The following PKHD1L1 variants were observed in gnomAD, a reference collection of about 807,000 sequenced individuals.
PKHD1L1 encodes PKHD1 like 1.
In PKHD1L1, 434 loss-of-function variants were observed where a neutral mutation model predicts 462.9. The observed-to-expected ratio is 0.94, with a 90% CI of 0.87 to 1.02. The LOEUF is 1.02. PKHD1L1 is among the 50% of genes least tolerant of loss of function. The probability of loss-of-function intolerance (pLI) is 0.00; values close to 1 mark genes in which losing one functional copy is unlikely to be tolerated. For missense variants in PKHD1L1, 5,202 were observed against 5,096.1 expected, an observed-to-expected ratio of 1.02 and a Z score of -0.63; for synonymous variants, 1,781 against 1,750.0, an observed-to-expected ratio of 1.02 and a Z score of -0.44.
In PKHD1L1 at chr8:109,475,039, T is replaced by C. The variant is rs144269440; in HGVS notation, c.8606-79T>C. On this transcript the variant is annotated intron_variant, in intron 50 of 77. Coordinates refer to ENST00000378402, the MANE Select transcript of PKHD1L1 (RefSeq NM_177531.6). ...GCTAAACCAACCAAACTAAACTAAC[T>C]TTTGCACTTGTTTACAAAAGGAGGA... is the stretch of plus-strand genomic sequence containing the variant. The C allele has an allele frequency of 1.6e-5, 22 of 1,366,098 alleles. No individual in the cohort carries two copies. The East Asian group carries it at 3.1e-4, about 19-fold the overall frequency. The allele number at this position is 1,366,098 out of a possible 1,614,324, so 84.6% of individuals were successfully genotyped here.
rs765557522 is a variant in PKHD1L1, at chr8:109,390,416, G to T, written c.698-36G>T. Reference sequence around the variant, plus strand: ...AGAGTTATTGTTCTTCTGTGACTGGGAATTTAATTGATTGTGTATTTTCAT... The same window carrying T: ...AGAGTTATTGTTCTTCTGTGACTGGTAATTTAATTGATTGTGTATTTTCAT... On this transcript the variant is annotated intron_variant, in intron 8 of 77. Transcript: ENST00000378402. 7.2e-6 allele frequency: 9 copies of T among 1,241,478 alleles called. No individual in the cohort carries two copies. The South Asian group carries it at 1.6e-4, about 22-fold the overall frequency. The allele number at this position is 1,241,478 out of a possible 1,614,324, so 76.9% of individuals were successfully genotyped here.
In PKHD1L1 at chr8:109,413,527, A is replaced by G; in HGVS notation, c.2342A>G (p.Asn781Ser). 6.5e-7 allele frequency: 1 copy of G among 1,538,582 alleles called. No individual in the cohort carries two copies. ...AGCACTGATACACAGTTTACATACA[A>G]CTTTGCTTATGGAAACAAGTAAGTT... ...TRSTDTQFTY[N>S]FAYGNNWTYT... Residue 781 changes from asparagine to serine, a missense_variant, in exon 21 of 78, where the codon AAC becomes AGC. Asn to Ser is a conservative substitution (Grantham distance 46). Transcript: ENST00000378402.
At chr8:109,435,437 G>A in intron 29 of PKHD1L1, 83 bp downstream of exon 29, 1 of 1,422,744 alleles carries the variant, frequency 7.0e-7, no homozygotes, top group Non-Finnish European at 9.5e-7. Flanking sequence ...AGGGTGAAGG[G>A]AGAGGATCCC....
rs188978688 is a variant in PKHD1L1 at position 109,373,059 on chromosome 8, G to A, written c.164-8311G>A. Among the ~76,000 whole-genome samples the A allele has an allele frequency of 1.7e-3, 259 of 152,222 alleles. 1 individual carries two copies. Among genetic ancestry groups the A allele is most frequent in the African/African-American group, 6.0e-3 (249 of 41,540 alleles). On this transcript the variant is annotated intron_variant, in intron 2 of 77. Transcript: ENST00000378402. ...ATGATTCCCTCTTTTTCTATTGATT[G>A]GAATAATTTCAGAAGGAATGGTACC...
At chr8:109,512,171 T>C (rs1262054116) in intron 71 of PKHD1L1, among the ~76,000 whole-genome samples, 4 of 152,160 alleles carry the variant, frequency 2.6e-5, no homozygotes, top group Non-Finnish European at 5.9e-5. Context: ...TGGTAGTTTC[T>C]TTTGTTGTGC....
At chr8:109,446,331 A>G (rs1430293587) in intron 38 of PKHD1L1, among the ~76,000 whole-genome samples, 1 of 152,200 alleles carries the variant, frequency 6.6e-6, no homozygotes, top group Non-Finnish European at 1.5e-5. Context: ...TGGCTCTCAA[A>G]TGGTTCAAAT....
In PKHD1L1 at chr8:109,398,566, A is replaced by T; in HGVS notation, c.1012+18A>T. Reference sequence around the variant, plus strand: ...ATATCCAGGTAAGTTACCATAAGGGACAATGGCCATTTCTATATTCACATA... The same window carrying T: ...ATATCCAGGTAAGTTACCATAAGGGTCAATGGCCATTTCTATATTCACATA... On this transcript the variant is annotated intron_variant, in intron 12 of 77. Coordinates refer to ENST00000378402, the MANE Select transcript of PKHD1L1 (RefSeq NM_177531.6). 7.8e-7 allele frequency: 1 copy of T among 1,284,224 alleles called. No individual in the cohort carries two copies. The highest frequency in any genetic ancestry group is 1.1e-6 in the Non-Finnish European group (1 of 915,996). 79.6% of individuals were successfully genotyped at this position (1,284,224 alleles called of 1,614,324 possible).
intron 2 of PKHD1L1, among the ~76,000 whole-genome samples, chr8:109,367,710 A>G (rs1811302071): frequency 6.6e-6 from 1 of 152,134 alleles, no homozygotes; most frequent in Admixed American, 6.5e-5. Flanking sequence ...AGCCTGGGCA[A>G]TATAGCAAGA....
At chr8:109,428,627 C>T (rs906682910) in intron 25 of PKHD1L1, among the ~76,000 whole-genome samples, 1 of 152,148 alleles carries the variant, frequency 6.6e-6, no homozygotes, top group East Asian at 1.9e-4. Context: ...AGTGACTGAC[C>T]TCCCTTGGTG....
intron 9 of PKHD1L1, among the ~76,000 whole-genome samples, chr8:109,392,927 C>T (rs776055346): frequency 6.6e-6 from 1 of 152,020 alleles, no homozygotes; most frequent in African/African-American, 2.4e-5. Context: ...GACGAAGCTG[C>T]CTTAATTGAG....
At chr8:109,481,686 C>A in intron 56 of PKHD1L1, 124 bp downstream of exon 56, 1 of 925,682 alleles carries the variant, frequency 1.1e-6, no homozygotes. Flanking sequence ...ACTTCTGATA[C>A]AAAAGTATCA....
Position 109,485,141 on chromosome 8 carries a change from TTC to T in PKHD1L1, c.9676_9677del (p.Leu3226Ter), listed in dbSNP as rs747633177. ...ATCCTGCATGATCATAAAATTCTCA[TTC>T]TTAATGATAGCCTTTCCTATACTCA... On this transcript the variant is annotated frameshift_variant, in exon 58 of 78. Transcript: ENST00000378402. LOFTEE classifies it high-confidence loss of function. The T allele has an allele frequency of 6.3e-7, 1 of 1,594,986 alleles. No individual in the cohort carries two copies. Among genetic ancestry groups the T allele is most frequent in the Admixed American group, 1.7e-5 (1 of 58,148 alleles).
chr8:109,408,683 C>T (rs934065516), intron 18 of PKHD1L1, among the ~76,000 whole-genome samples: 3 of 152,076 alleles, frequency 2.0e-5, no homozygotes, highest in African/African-American at 7.2e-5. Flanking sequence ...AAATATGGTA[C>T]CCAAATCCTA....
At chr8:109,418,400 G>C (rs955261062) in intron 21 of PKHD1L1, among the ~76,000 whole-genome samples, 9 of 152,138 alleles carry the variant, frequency 5.9e-5, no homozygotes, top group Non-Finnish European at 1.2e-4. Flanking sequence ...AAACTAGTCA[G>C]TTAATAACTA....
intron 50 of PKHD1L1, among the ~76,000 whole-genome samples, chr8:109,472,623 G>A (rs994258403): frequency 3.3e-5 from 5 of 151,988 alleles, no homozygotes; most frequent in Admixed American, 2.6e-4. Context: ...TAACTACTCA[G>A]CAAGTGTTGA....
chr8:109,501,083 C>CCTTTGGTACCAGCACCCATGTAT (rs376209425), intron 67 of PKHD1L1, among the ~76,000 whole-genome samples: 1,926 of 152,176 alleles, frequency 0.013, 45 homozygotes, highest in African/African-American at 0.044. Context: ...CTACTTCTTG[C>CCTTTGGTACCAGCACCCATGTAT]CTTTGGTACC....
At chr8:109,377,350 C>A (rs571110360) in intron 2 of PKHD1L1, among the ~76,000 whole-genome samples, 1 of 151,982 alleles carries the variant, frequency 6.6e-6, no homozygotes, top group African/African-American at 2.4e-5. Context: ...TCTGGGTTTA[C>A]CTTTTTTTGT....
At chr8:109,383,660 T>G (rs1812287928) in intron 4 of PKHD1L1, among the ~76,000 whole-genome samples, 1 of 151,534 alleles carries the variant, frequency 6.6e-6, no homozygotes, top group Admixed American at 6.6e-5. Context: ...CCCAGATATC[T>G]CTGGCTTTCT....
intron 2 of PKHD1L1, among the ~76,000 whole-genome samples, chr8:109,377,333 C>G (rs1193121001): frequency 6.6e-6 from 1 of 152,038 alleles, no homozygotes; most frequent in Non-Finnish European, 1.5e-5. Context: ...AGAGTTAAAT[C>G]TACATCTCTG....
Sources: gnomAD v4.1 joint callset for allele counts (sites outside exome capture counted in the v4.1 genomes callset) on GRCh38, gnomAD v4.1.1 for gene constraint, MANE v1.5 for transcripts, NCBI Gene and HGNC (gene_info 2026-07-23, HGNC 2026-07-21) for gene names.